THSD1: variants seen among roughly 807,000 people sequenced by gnomAD.
THSD1 encodes the protein thrombospondin type-1 domain-containing protein 1.
In THSD1, 34 loss-of-function variants were observed where a neutral mutation model predicts 46.3. That is an observed-to-expected ratio of 0.74 (90% CI 0.56 to 0.98). THSD1 has a LOEUF of 0.98. THSD1 is among the 50% of genes least tolerant of loss of function. The pLI, the probability that THSD1 is intolerant of heterozygous loss-of-function variation, is 0.00. For synonymous variants in THSD1, 407 were observed against 416.5 expected, an observed-to-expected ratio of 0.98 and a Z score of 0.28; for missense variants, 1,023 against 1,058.3, an observed-to-expected ratio of 0.97 and a Z score of 0.46.
chr13:52,405,008 C>T (rs1408878741), intron 1 of THSD1, among the ~76,000 whole-genome samples: 1 of 152,128 alleles, frequency 6.6e-6, no homozygotes, highest in Non-Finnish European at 1.5e-5. Flanking sequence ...TTCTTTCTAC[C>T]TTGCTTATTT....
rs1194699040 is a variant in THSD1, at chr13:52,377,426, C to T, written c.2544G>A (p.Glu848=). The T allele has an allele frequency of 1.9e-6, 3 of 1,542,368 alleles. No homozygotes were observed. The highest frequency in any genetic ancestry group is 1.4e-5 in the African/African-American group (1 of 73,108). The change falls in exon 5 of 5, where the codon GAG becomes GAA. Residue 848 remains glutamate (E), a synonymous_variant. Coordinates refer to ENST00000258613, the MANE Select transcript of THSD1 (RefSeq NM_018676.4). Reference sequence around the variant, plus strand: ...GATTCTCAGTCTAGATCACCAGCTTCTCCACGCTAAGTGTACTTGTGGTTT... The same window carrying T: ...GATTCTCAGTCTAGATCACCAGCTTTTCCACGCTAAGTGTACTTGTGGTTT... The part of the protein sequence containing the change: ...EDETTSTLSV[E]KLVI
intron 2 of THSD1, among the ~76,000 whole-genome samples, chr13:52,401,909 T>A (rs901299731): frequency 6.6e-6 from 1 of 152,254 alleles, no homozygotes; most frequent in East Asian, 1.9e-4. Context: ...TATTGTTGAC[T>A]CTATTGTTCA....
In THSD1 at chr13:52,397,375, C is replaced by T; in HGVS notation, c.878G>A (p.Ser293Asn). The part of the protein sequence containing the change: ...GKRTIHLAEN[S>N]LPLGERRTIF... Reference sequence around the variant, plus strand: ...TGTCCTCCTCTCTCCCAGGGGCAGGCTGTTTTCAGCCAAGTGAATGGTCCT... The same window carrying T: ...TGTCCTCCTCTCTCCCAGGGGCAGGTTGTTTTCAGCCAAGTGAATGGTCCT... The change falls in exon 3 of 5, where the codon AGC (serine) becomes AAC (asparagine). Residue 293 changes from serine to asparagine, a missense_variant. Ser to Asn is a conservative substitution (Grantham distance 46). Coordinates refer to ENST00000258613, the MANE Select transcript of THSD1 (RefSeq NM_018676.4). 6.2e-7 allele frequency: 1 copy of T among 1,614,174 alleles called. No homozygotes were observed. Among genetic ancestry groups the T allele is most frequent in the South Asian group, 1.1e-5 (1 of 91,086 alleles).
At chr13:52,405,008 C>CT (rs1454029268) in intron 1 of THSD1, among the ~76,000 whole-genome samples, 2 of 152,128 alleles carry the variant, frequency 1.3e-5, no homozygotes, top group Admixed American at 1.3e-4. Flanking sequence ...TTCTTTCTAC[C>CT]TTGCTTATTT....
intron 4 of THSD1, among the ~76,000 whole-genome samples, chr13:52,385,211 A>C (rs1228885754): frequency 6.6e-6 from 1 of 152,200 alleles, no homozygotes; most frequent in Non-Finnish European, 1.5e-5. Context: ...TGACAAGATA[A>C]AATCCTTGAC....
intron 1 of THSD1, chr13:52,402,957 T>G: frequency 1.0e-6 from 1 of 985,402 alleles, no homozygotes. Flanking sequence ...CAGCACATCC[T>G]GACGTGGAGA....
intron 3 of THSD1, among the ~76,000 whole-genome samples, chr13:52,388,849 G>A (rs1957752564): frequency 6.6e-6 from 1 of 152,138 alleles, no homozygotes; most frequent in South Asian, 2.1e-4. Context: ...TGGGAGGAGT[G>A]AATTGGGAGT....
chr13:52,401,050 C>T (rs1178567590), intron 2 of THSD1, among the ~76,000 whole-genome samples: 2 of 152,126 alleles, frequency 1.3e-5, no homozygotes, highest in African/African-American at 4.8e-5. Flanking sequence ...TCTCGGCTCA[C>T]CACAACCTCC....
chr13:52,395,558 C>T (rs1331859327), intron 3 of THSD1, among the ~76,000 whole-genome samples: 2 of 152,058 alleles, frequency 1.3e-5, no homozygotes, highest in Non-Finnish European at 2.9e-5. Context: ...AAGAGACGTC[C>T]ATCTGGAGCC....
At chr13:52,392,190 C>CAAAAAAAA (rs368671089) in intron 3 of THSD1, among the ~76,000 whole-genome samples, 1,485 of 69,574 alleles carry the variant, frequency 0.021, 50 homozygotes, top group Non-Finnish European at 0.027. Context: ...AGACTCCTCT[C>CAAAAAAAA]AAAAAAAAAA....
intron 1 of THSD1, among the ~76,000 whole-genome samples, chr13:52,405,319 G>C (rs974098762): frequency 6.6e-6 from 1 of 152,144 alleles, no homozygotes; most frequent in African/African-American, 2.4e-5. Context: ...AAAAGTAAAT[G>C]AATTACACTA....
chr13:52,384,206 AG>A, intron 4 of THSD1: 43 of 314,510 alleles, frequency 1.4e-4, no homozygotes, highest in South Asian at 5.8e-4. Flanking sequence ...AAAAAAAAGA[AG>A]AAGAAGATGC....
At chr13:52,386,505 C>A (rs1957731747) in intron 3 of THSD1, among the ~76,000 whole-genome samples, 1 of 152,120 alleles carries the variant, frequency 6.6e-6, no homozygotes. Context: ...GGGGCAGACA[C>A]CAGGCTGCAT....
Position 52,378,516 on chromosome 13 carries a change from G to T in THSD1, c.1454C>A (p.Pro485His). ...GCCTGTGTCCCCTGGACTCCCCGTG[G>T]GCCCGTCTCCCCCATCCGAGAAGCT... ...RGSFSDGGDG[P>H]TGSPGDTGIP... The change falls in exon 5 of 5, where the codon CCC becomes CAC. Residue 485 changes from proline (P) to histidine (H), a missense_variant. By Grantham distance (77) the Pro-to-His change is moderately conservative (BLOSUM62 -2). Around this residue, in one of 3 missense-constraint regions of THSD1, gnomAD observed 578 missense variants for 497.4 expected, o/e 1.16. Coordinates refer to ENST00000258613, the MANE Select transcript of THSD1 (RefSeq NM_018676.4). 6.2e-7 allele frequency: 1 copy of T among 1,614,134 alleles called. No homozygotes were observed. Among genetic ancestry groups the T allele is most frequent in the Non-Finnish European group, 8.5e-7 (1 of 1,180,028 alleles).
intron 3 of THSD1, among the ~76,000 whole-genome samples, chr13:52,387,592 G>C (rs182578407): frequency 7.9e-5 from 12 of 152,246 alleles, no homozygotes; most frequent in African/African-American, 2.9e-4. Flanking sequence ...AGGTGAACAA[G>C]ATGCATAAAC....
chr13:52,383,475 C>T (rs1236343639), intron 4 of THSD1, among the ~76,000 whole-genome samples: 1 of 152,226 alleles, frequency 6.6e-6, no homozygotes, highest in Non-Finnish European at 1.5e-5. Flanking sequence ...TGATGAAAGG[C>T]TTGTTCCCTG....
intron 4 of THSD1, among the ~76,000 whole-genome samples, chr13:52,379,945 C>T (rs747699805): frequency 1.1e-4 from 16 of 152,264 alleles, no homozygotes; most frequent in East Asian, 5.8e-4. Flanking sequence ...AATTAACTGA[C>T]GAAAGTAAGA....
chr13:52,381,980 C>T (rs1005120588), intron 4 of THSD1, among the ~76,000 whole-genome samples: 2 of 152,204 alleles, frequency 1.3e-5, no homozygotes. Flanking sequence ...CAAAGGAGTT[C>T]GTTCTGCAGC....
intron 2 of THSD1, among the ~76,000 whole-genome samples, chr13:52,399,007 G>T (rs1252222797): frequency 6.6e-6 from 1 of 152,216 alleles, no homozygotes; most frequent in Non-Finnish European, 1.5e-5. Context: ...TCCTCAGTTT[G>T]TATGAGGCAG....
Sources: gnomAD v4.1 joint callset for allele counts (sites outside exome capture counted in the v4.1 genomes callset) on GRCh38, gnomAD v4.1.1 for gene constraint, gnomAD v4.1.1 regional missense constraint, MANE v1.5 for transcripts, NCBI Gene and HGNC (gene_info 2026-07-23, HGNC 2026-07-21) for gene names.